ARHGAP33: variants seen among roughly 807,000 people sequenced by gnomAD.
The protein encoded by ARHGAP33 is rho GTPase-activating protein 33.
Under a neutral mutation model 126.2 loss-of-function variants are expected in ARHGAP33, and 57 were observed. The observed-to-expected ratio is 0.45, with a 90% confidence interval of 0.36 to 0.56. The LOEUF is 0.56. ARHGAP33 is among the 20% of genes least tolerant of loss of function. The pLI is 0.00. For missense variants in ARHGAP33, 1,500 were observed against 1,748.3 expected (o/e 0.86, Z 2.53); for synonymous variants, 711 against 755.0 (o/e 0.94, Z 0.95).
At chr19:35,785,583 G>A in intron 19 of ARHGAP33, 100 bp downstream of exon 19, 2 of 1,555,808 alleles carry the variant, frequency 1.3e-6, no homozygotes, top group Non-Finnish European at 1.7e-6. Flanking sequence ...CTTCACATTT[G>A]GGGGCCCTGG....
intron 3 of ARHGAP33, among the ~76,000 whole-genome samples, 168 bp from the exon 4 acceptor site, chr19:35,778,112 A>G (rs1364014534): frequency 3.3e-5 from 5 of 152,128 alleles, no homozygotes; most frequent in African/African-American, 9.7e-5. Flanking sequence ...TATTCATTCA[A>G]CAACAACTTT....
At chr19:35,778,656 G>C in intron 5 of ARHGAP33, 55 bp downstream of exon 5, 1 of 1,572,060 alleles carries the variant, frequency 6.4e-7, no homozygotes, top group Non-Finnish European at 8.6e-7. Context: ...CATCCACAGT[G>C]TGAAATCATC....
chr19:35,784,803 G>T (rs562159187), intron 16 of ARHGAP33, 150 bp from the exon 17 acceptor site: 5 of 1,125,754 alleles, frequency 4.4e-6, no homozygotes, highest in Non-Finnish European at 5.4e-6. Flanking sequence ...CCTGCTGCCC[G>T]CCTGCTCCCG....
intron 1 of ARHGAP33, among the ~76,000 whole-genome samples, chr19:35,776,676 G>T (rs1185864777): frequency 6.6e-6 from 1 of 152,266 alleles, no homozygotes; most frequent in South Asian, 2.1e-4. Flanking sequence ...CCAACTCAAT[G>T]CCCAGCTCTA....
Position 35,786,508 on chromosome 19 carries a change from T to G in ARHGAP33, c.2038T>G (p.Ser680Ala), listed in dbSNP as rs1484067577. The G allele has an allele frequency of 6.5e-7, 1 of 1,535,912 alleles. No homozygotes were observed. Among genetic ancestry groups the G allele is most frequent in the Non-Finnish European group, 8.7e-7 (1 of 1,146,848 alleles). ...APAGSCESLS[S>A]SSSSESSSSE... The stretch of plus-strand genomic sequence containing the variant: ...TGCTGGCTCCTGCGAGAGCCTGTCC[T>G]CGTCCTCCTCCTCCGAGTCCTCCTC... The change falls in exon 20 of 21, where the codon TCG (serine) becomes GCG (alanine). Residue 680 changes from serine (S) to alanine (A), a missense_variant. This residue lies in a region of ARHGAP33 where 300 missense variants were observed against 291.1 expected (regional missense o/e 1.03). Coordinates refer to ENST00000007510, the MANE Select transcript of ARHGAP33 (RefSeq NM_001366178.1). The surrounding 1 kb of genome is among the most constrained non-coding windows in gnomAD (Gnocchi z 7.0).
At position 35,778,348 on chromosome 19, in the gene ARHGAP33, G is replaced by C. The variant is rs1971565911; in HGVS notation, c.258G>C (p.Gln86His). ...SGENELVFGV[Q>H]VTCQGRSWPV... ...AGAATGAGCTGGTGTTCGGGGTGCA[G>C]GTGACCTGTCAGGTGAGGCCATCCC... The change falls in exon 4 of 21, where the codon CAG (glutamine) becomes CAC (histidine). Residue 86 changes from glutamine (Q) to histidine (H), a missense_variant. By Grantham distance (24) the Gln-to-His change is conservative. Coordinates refer to ENST00000007510, the MANE Select transcript of ARHGAP33 (RefSeq NM_001366178.1). 6.2e-7 allele frequency: 1 copy of C among 1,614,108 alleles called. No individual in the cohort carries two copies.
In ARHGAP33 at chr19:35,786,457, G is replaced by A. The variant is rs1050524014; in HGVS notation, c.1987G>A (p.Asp663Asn). The change falls in exon 20 of 21, where the codon GAC (aspartate) becomes AAC (asparagine). Residue 663 changes from aspartate (D) to asparagine (N), a missense_variant. Transcript: ENST00000007510. The surrounding 1 kb of genome is among the most constrained non-coding windows in gnomAD (Gnocchi z 7.0). ...HRLRRPHSSS[D>N]AFPVGPAPAG... ...GCTGCGGCGACCCCACTCCAGCAGCGACGCTTTCCCTGTGGGCCCAGCACC... is the reference window on the plus strand; with the variant it reads ...GCTGCGGCGACCCCACTCCAGCAGCAACGCTTTCCCTGTGGGCCCAGCACC... 3.9e-6 allele frequency: 6 copies of A among 1,535,568 alleles called. No individual in the cohort carries two copies. The highest frequency in any genetic ancestry group is 2.0e-5 in the Admixed American group (1 of 50,942).
intron 6 of ARHGAP33, 102 bp downstream of exon 6, chr19:35,779,226 C>A: frequency 1.1e-6 from 1 of 886,408 alleles, no homozygotes; most frequent in Non-Finnish European, 1.7e-6. Flanking sequence ...AAGAAAGGAG[C>A]CAGAGTGGAG....
At position 35,786,014 on chromosome 19, in the gene ARHGAP33, G is replaced by A. The variant is rs927328664; in HGVS notation, c.1943-399G>A. On this transcript the variant is annotated intron_variant, in intron 19 of 20. Transcript: ENST00000007510. The surrounding 1 kb of genome is among the most constrained non-coding windows in gnomAD (Gnocchi z 7.0). Reference sequence around the variant, plus strand: ...CTCCATCGCTACCTCACAGCCCGCCGCGCTGCTGGGTGCTGCTCTCCGACC... The same window carrying A: ...CTCCATCGCTACCTCACAGCCCGCCACGCTGCTGGGTGCTGCTCTCCGACC... 9.0e-6 allele frequency: 10 copies of A among 1,110,510 alleles called. No individual in the cohort carries two copies. Among genetic ancestry groups the A allele is most frequent in the East Asian group, 6.0e-5 (1 of 16,746 alleles). 68.8% of individuals were successfully genotyped at this position (1,110,510 alleles called of 1,614,324 possible). A position where few individuals can be genotyped will look rare whatever the true frequency, so the allele number is the denominator to read the frequency against.
Position 35,782,947 on chromosome 19 carries a change from G to T in ARHGAP33, c.1421+78G>T, listed in dbSNP as rs149771100. On this transcript the variant is annotated intron_variant, in intron 15 of 20. Transcript: ENST00000007510. This position sits in a 1 kb window ranked among gnomAD's most constrained non-coding sequence, Gnocchi z 4.1. ...CAGGAACCCGCCCAGCTTTTCTTTT[G>T]TTTATTCATCGAATACGTGTCTATC... 16 of 1,288,176 alleles carry T rather than the reference G, an allele frequency of 1.2e-5. No individual in the cohort carries two copies. The East Asian group carries it at 3.8e-4, about 31-fold the overall frequency. 79.8% of individuals were successfully genotyped at this position (1,288,176 alleles called of 1,614,324 possible).
chr19:35,787,268 C>T lies in ARHGAP33; in HGVS notation c.2703C>T (p.Ala901=). 1 of 1,612,450 alleles carries T rather than the reference C, an allele frequency of 6.2e-7. No individual in the cohort carries two copies. The stretch of plus-strand genomic sequence containing the variant: ...CTAAGAACCCAGCACGCCTCATGGC[C>T]CTGGCCCTGGCTGAGCGGGCTCAGC... ...PPPKNPARLM[A]LALAERAQQV... The change falls in exon 21 of 21, where the codon GCC becomes GCT. Residue 901 remains alanine, a synonymous_variant. Coordinates refer to ENST00000007510, the MANE Select transcript of ARHGAP33 (RefSeq NM_001366178.1).
At position 35,784,955 on chromosome 19, in the gene ARHGAP33, C is replaced by T. The variant is rs767586720; in HGVS notation, c.1570C>T (p.Arg524Cys). 8.4e-6 allele frequency: 13 copies of T among 1,539,692 alleles called. No homozygotes were observed. Among genetic ancestry groups the T allele is most frequent in the South Asian group, 1.2e-5 (1 of 83,824 alleles). The change falls in exon 17 of 21, where the codon CGC becomes TGC. Residue 524 changes from arginine to cysteine, a missense_variant and splice_region_variant. Physicochemically the swap from Arg to Cys is radical, Grantham distance 180 (BLOSUM62 -3). Coordinates refer to ENST00000007510, the MANE Select transcript of ARHGAP33 (RefSeq NM_001366178.1). ...FTSAGLDPAG[R>C]CLLPRPKSLA... ...TGCCCCCTTTCCACACTCCCCAGGC[C>T]GCTGCCTGCTCCCCAGGCCCAAGTC...
At position 35,781,165 on chromosome 19, in the gene ARHGAP33, G is replaced by A. The variant is rs777041626; in HGVS notation, c.998G>A (p.Arg333His). The change falls in exon 12 of 21, where the codon CGC (arginine) becomes CAC (histidine). Residue 333 changes from arginine (R) to histidine (H), a missense_variant. Physicochemically the swap from Arg to His is conservative, Grantham distance 29 (BLOSUM62 0). This residue lies in a region of ARHGAP33 where 281 missense variants were observed against 413.7 expected (regional missense o/e 0.68). Coordinates refer to ENST00000007510, the MANE Select transcript of ARHGAP33 (RefSeq NM_001366178.1). ...NSGQDVPQVL[R>H]CCSEFIEAHG... The stretch of plus-strand genomic sequence containing the variant: ...TTTCTCCCAGTGCCCCAGGTGCTGC[G>A]CTGCTGCTCCGAGTTCATTGAGGCC... The A allele has an allele frequency of 2.5e-6, 4 of 1,613,394 alleles. No homozygotes were observed. The highest frequency in any genetic ancestry group is 1.3e-5 in the African/African-American group (1 of 74,712).
Position 35,787,527 on chromosome 19 carries a change from A to G in ARHGAP33, c.2962A>G (p.Thr988Ala), listed in dbSNP as rs1239195551. Residue 988 changes from threonine (T) to alanine (A), a missense_variant, in exon 21 of 21, where the codon ACC becomes GCC. By Grantham distance (58) the Thr-to-Ala change is moderately conservative. Coordinates refer to ENST00000007510, the MANE Select transcript of ARHGAP33 (RefSeq NM_001366178.1). ...GCTGAGGAGCCAGCGGCCCATGGGG[A>G]CCTCAAGGAGGGGACTCCGAGGCCC... The part of the protein sequence containing the change: ...SLLRSQRPMG[T>A]SRRGLRGPAQ... The G allele has an allele frequency of 1.2e-6, 2 of 1,611,826 alleles. No homozygotes were observed. The highest frequency in any genetic ancestry group is 4.5e-5 in the East Asian group (2 of 44,862).
chr19:35,784,366 G>A (rs548173390), intron 16 of ARHGAP33, 49 bp downstream of exon 16: 2 of 1,487,794 alleles, frequency 1.3e-6, no homozygotes, highest in South Asian at 2.7e-5. Context: ...ACCACGATCA[G>A]GGCTGCAGGG....
intron 12 of ARHGAP33, 95 bp downstream of exon 12, chr19:35,781,347 A>T (rs1971766300): frequency 2.4e-6 from 3 of 1,275,182 alleles, no homozygotes; most frequent in Non-Finnish European, 3.4e-6. Context: ...AGTTACCAGG[A>T]GTCAGGAGTG....
rs766133322 is a variant in ARHGAP33, at chr19:35,787,656, G to A, written c.3091G>A (p.Gly1031Ser). The change falls in exon 21 of 21, where the codon GGC becomes AGC. Residue 1031 changes from glycine to serine, a missense_variant. Gly to Ser is a moderately conservative substitution (Grantham distance 56). Transcript: ENST00000007510. ...CSVPSQVPTP[G>S]FFSPAPRECL... is the part of the protein sequence containing the mutation. The stretch of plus-strand genomic sequence containing the variant: ...TGTCCCCTCACAGGTTCCTACCCCC[G>A]GCTTCTTCTCCCCAGCCCCCAGGGA... 72 of 1,590,690 alleles carry A rather than the reference G, an allele frequency of 4.5e-5. No homozygotes were observed. In the Middle Eastern group the frequency reaches 1.5e-3, roughly 33 times the overall value.
chr19:35,788,503 T>C lies in ARHGAP33; in HGVS notation c.*74T>C. 7.4e-7 allele frequency: 1 copy of C among 1,345,732 alleles called. No individual in the cohort carries two copies. Among genetic ancestry groups the C allele is most frequent in the Non-Finnish European group, 9.8e-7 (1 of 1,015,532 alleles). The allele number at this position is 1,345,732 out of a possible 1,614,324, so 83.4% of individuals were successfully genotyped here. On this transcript the variant is annotated 3_prime_UTR_variant, in exon 21 of 21. Transcript: ENST00000007510. The stretch of plus-strand genomic sequence containing the variant: ...CTTGGCCCAACCAAATCCCTTGTTT[T>C]GTATTTTCTTGAACCCCGACCACTA...
At chr19:35,778,931 C>T in intron 5 of ARHGAP33, 101 bp from the exon 6 acceptor site, 1 of 992,236 alleles carries the variant, frequency 1.0e-6, no homozygotes, top group Non-Finnish European at 1.5e-6. Context: ...CCCATGTGTT[C>T]AGGATGAACT....
Sources: gnomAD v4.1 joint callset for allele counts (sites outside exome capture counted in the v4.1 genomes callset) on GRCh38, gnomAD v4.1.1 for gene constraint, gnomAD v4.1.1 regional missense constraint, Gnocchi (gnomAD v3.1) non-coding constraint, MANE v1.5 for transcripts, NCBI Gene and HGNC (gene_info 2026-07-23, HGNC 2026-07-21) for gene names.